The following CNTN5 variants were observed in gnomAD, a reference collection of about 807,000 sequenced individuals.
The protein encoded by CNTN5 is contactin 5.
Under a neutral mutation model 129.1 loss-of-function variants are expected in CNTN5, and 77 were observed. The ratio of observed to expected loss-of-function variants is 0.60; its 90% confidence interval spans 0.50 to 0.72. CNTN5 has a LOEUF of 0.72. Ranked by LOEUF, CNTN5 falls within the 30% of genes least tolerant of loss-of-function variation. The probability of loss-of-function intolerance (pLI) is 0.00; values close to 1 mark genes in which losing one functional copy is unlikely to be tolerated. For missense variants in CNTN5, 1,478 were observed against 1,328.8 expected (o/e 1.11, Z -1.75); for synonymous variants, 509 against 465.6 (o/e 1.09, Z -1.20).
chr11:99,269,317 T>A (rs962780238), intron 1 of CNTN5, among the ~76,000 whole-genome samples: 9 of 151,880 alleles, frequency 5.9e-5, no homozygotes, highest in African/African-American at 2.2e-4. Context: ...AGTTTAATGA[T>A]ATATACATGA....
At chr11:99,587,258 T>C (rs1949824428) in intron 3 of CNTN5, among the ~76,000 whole-genome samples, 1 of 152,158 alleles carries the variant, frequency 6.6e-6, no homozygotes, top group African/African-American at 2.4e-5. Flanking sequence ...GATCTCCTCA[T>C]AGAATAGAAC....
intron 24 of CNTN5, among the ~76,000 whole-genome samples, chr11:100,352,356 AT>A (rs1054770753): frequency 6.6e-6 from 1 of 151,702 alleles, no homozygotes; most frequent in African/African-American, 2.4e-5. Flanking sequence ...CATTCATTTC[AT>A]TTTTTTAAAA....
chr11:99,034,660 T>G (rs1354111761), intron 1 of CNTN5, among the ~76,000 whole-genome samples: 3 of 152,032 alleles, frequency 2.0e-5, no homozygotes, highest in African/African-American at 7.2e-5. Context: ...TCTTCTCTCT[T>G]TTTTTCTTTA....
chr11:99,437,111 C>A (rs1197903678), intron 2 of CNTN5, among the ~76,000 whole-genome samples: 2 of 152,150 alleles, frequency 1.3e-5, no homozygotes, highest in African/African-American at 4.8e-5. Flanking sequence ...TTCACCAAAT[C>A]TCAAAGTAAA....
At chr11:100,356,057 C>A in intron 24 of CNTN5, 60 bp from the exon 25 acceptor site, 2 of 1,127,816 alleles carry the variant, frequency 1.8e-6, no homozygotes, top group East Asian at 2.5e-5. Flanking sequence ...AAAAACAATT[C>A]TGTCCTAGCT....
intron 2 of CNTN5, among the ~76,000 whole-genome samples, chr11:99,382,096 A>C (rs1262844891): frequency 3.9e-5 from 6 of 152,210 alleles, no homozygotes; most frequent in Non-Finnish European, 8.8e-5. Context: ...TCATATTTAC[A>C]TCCTTGGTAT....
chr11:100,349,637 A>T (rs1275125127), intron 23 of CNTN5, among the ~76,000 whole-genome samples: 1 of 151,856 alleles, frequency 6.6e-6, no homozygotes, highest in Non-Finnish European at 1.5e-5. Context: ...AAACTGTTTC[A>T]TATCCAGATC....
At chr11:99,066,847 T>C (rs1284249046) in intron 1 of CNTN5, among the ~76,000 whole-genome samples, 2 of 152,126 alleles carry the variant, frequency 1.3e-5, no homozygotes, top group Non-Finnish European at 2.9e-5. Context: ...ACTAAGCCAG[T>C]TCCTGGGAGG....
chr11:100,058,416 T>C (rs1565836872), intron 9 of CNTN5, among the ~76,000 whole-genome samples: 1 of 152,128 alleles, frequency 6.6e-6, no homozygotes, highest in African/African-American at 2.4e-5. Context: ...AAGTTATCCA[T>C]AAACAAACCA....
chr11:99,325,670 A>G (rs1454324768), intron 2 of CNTN5, among the ~76,000 whole-genome samples, 186 bp downstream of exon 2: 2 of 152,230 alleles, frequency 1.3e-5, no homozygotes, highest in Non-Finnish European at 2.9e-5. Context: ...TGTCAGTAAC[A>G]TAAATGCTCT....
intron 10 of CNTN5, 94 bp from the exon 11 acceptor site, chr11:100,070,330 A>T (rs527666984): frequency 2.3e-6 from 3 of 1,314,738 alleles, no homozygotes; most frequent in African/African-American, 2.9e-5. Context: ...AATTGCTTTT[A>T]AAAAAATACG....
chr11:99,887,040 G>T (rs1404589261), intron 6 of CNTN5, among the ~76,000 whole-genome samples: 1 of 152,056 alleles, frequency 6.6e-6, no homozygotes, highest in African/African-American at 2.4e-5. Context: ...CTGGTTCATT[G>T]GTATTCATTA....
intron 3 of CNTN5, among the ~76,000 whole-genome samples, chr11:99,621,592 AATCT>A (rs1259094693): frequency 1.3e-5 from 2 of 152,130 alleles, no homozygotes; most frequent in Non-Finnish European, 2.9e-5. Context: ...ACTGCTCTAT[AATCT>A]ATCACGAGGG....
At chr11:99,890,179 A>C (rs1461845582) in intron 6 of CNTN5, among the ~76,000 whole-genome samples, 2 of 152,228 alleles carry the variant, frequency 1.3e-5, no homozygotes, top group Non-Finnish European at 2.9e-5. Context: ...AATGTATGAA[A>C]GTTCTCAGAA....
At chr11:99,116,005 C>A (rs1253003379) in intron 1 of CNTN5, among the ~76,000 whole-genome samples, 1 of 152,132 alleles carries the variant, frequency 6.6e-6, no homozygotes, top group Non-Finnish European at 1.5e-5. Flanking sequence ...ATTTTGAGAA[C>A]AATCACCCTA....
chr11:99,303,011 T>C (rs1272875827), intron 1 of CNTN5, among the ~76,000 whole-genome samples: 2 of 151,588 alleles, frequency 1.3e-5, no homozygotes, highest in African/African-American at 2.4e-5. Context: ...TCTATAAATA[T>C]TTTTCAGGAG....
intron 1 of CNTN5, among the ~76,000 whole-genome samples, chr11:99,276,218 G>A (rs911232265): frequency 3.4e-4 from 51 of 151,632 alleles, no homozygotes; most frequent in Non-Finnish European, 3.7e-4. Context: ...AACATTTGTC[G>A]CATTCAGTTG....
intron 17 of CNTN5, among the ~76,000 whole-genome samples, chr11:100,256,416 GA>G (rs1950071854): frequency 6.6e-6 from 1 of 152,074 alleles, no homozygotes; most frequent in Non-Finnish European, 1.5e-5. Flanking sequence ...AGACAATCAG[GA>G]TATAGATCAG....
chr11:99,549,092 C>CT (rs5793994), intron 2 of CNTN5, among the ~76,000 whole-genome samples: 73 of 146,994 alleles, frequency 5.0e-4, no homozygotes, highest in Non-Finnish European at 6.0e-4. Flanking sequence ...GTGTCAATTC[C>CT]TTTTTTTTTT....
Sources: gnomAD v4.1 joint callset for allele counts (sites outside exome capture counted in the v4.1 genomes callset) on GRCh38, gnomAD v4.1.1 for gene constraint, MANE v1.5 for transcripts, NCBI Gene and HGNC (gene_info 2026-07-23, HGNC 2026-07-21) for gene names.